CFAP44: variants seen among roughly 807,000 people sequenced by gnomAD.
CFAP44 encodes the protein cilia and flagella associated protein 44.
A neutral mutation model predicts 216.2 loss-of-function variants in CFAP44; 134 were observed. That is an observed-to-expected ratio of 0.62 (90% CI 0.54 to 0.72). The LOEUF (loss-of-function observed/expected upper bound fraction) is 0.72. Among genes scored for constraint, CFAP44 ranks in the 30% least tolerant of loss-of-function variants. The probability of loss-of-function intolerance (pLI) is 0.00; values close to 1 mark genes in which losing one functional copy is unlikely to be tolerated. For synonymous variants in CFAP44, 700 were observed against 727.6 expected (o/e 0.96, Z 0.61); for missense variants, 2,035 against 2,182.1 (o/e 0.93, Z 1.34).
intron 18 of CFAP44, among the ~76,000 whole-genome samples, chr3:113,370,085 T>C (rs578055943): frequency 2.0e-5 from 3 of 152,250 alleles, no homozygotes; most frequent in South Asian, 4.1e-4. Flanking sequence ...GAGGCAATAA[T>C]TAATACCCTA....
intron 24 of CFAP44, among the ~76,000 whole-genome samples, chr3:113,334,357 G>A (rs1950264927): frequency 6.6e-6 from 1 of 152,118 alleles, no homozygotes; most frequent in African/African-American, 2.4e-5. Flanking sequence ...TCTGTCCCCA[G>A]ATTCCCTGAA....
chr3:113,358,385 A>C (rs1189311763), intron 22 of CFAP44, among the ~76,000 whole-genome samples: 1 of 151,920 alleles, frequency 6.6e-6, no homozygotes, highest in Admixed American at 6.6e-5. Context: ...AACCAGAGCC[A>C]CCTCTGGTTG....
intron 28 of CFAP44, among the ~76,000 whole-genome samples, chr3:113,321,814 G>A (rs901337950): frequency 6.6e-6 from 1 of 152,152 alleles, no homozygotes; most frequent in Non-Finnish European, 1.5e-5. Context: ...AATCAAAGAG[G>A]TGAAAGATCT....
chr3:113,291,469 A>C lies in CFAP44; in HGVS notation c.*88T>G. On this transcript the variant is annotated 3_prime_UTR_variant, in exon 35 of 35. Coordinates refer to ENST00000393845, the MANE Select transcript of CFAP44 (RefSeq NM_001164496.2). ...ACACTTTCAGGCGAGTTCAGTTTAA[A>C]GTAATAAGATTGTTGGAGGTGATGA... 1.2e-5 allele frequency: 17 copies of C among 1,410,064 alleles called. No individual in the cohort carries two copies. The highest frequency in any genetic ancestry group is 1.5e-5 in the Non-Finnish European group (16 of 1,055,456). 87.3% of individuals were successfully genotyped at this position (1,410,064 alleles called of 1,614,324 possible).
chr3:113,294,561 T>C (rs770930757), intron 34 of CFAP44, 126 bp downstream of exon 34: 10 of 1,240,844 alleles, frequency 8.1e-6, no homozygotes, highest in Non-Finnish European at 1.1e-5. Context: ...GGGACGCAGA[T>C]GGTCTGGAAG....
intron 26 of CFAP44, among the ~76,000 whole-genome samples, chr3:113,328,713 AAAAAAAAAAAAAAAAC>A (rs2067308928): frequency 6.7e-5 from 10 of 149,476 alleles, no homozygotes; most frequent in African/African-American, 1.2e-4. Context: ...AAAAAAAAAA[AAAAAAAAAAAAAAAAC>A]AGAGAGAGAA....
intron 16 of CFAP44, among the ~76,000 whole-genome samples, chr3:113,380,218 T>G (rs1420017038): frequency 7.2e-5 from 11 of 152,104 alleles, no homozygotes; most frequent in Admixed American, 7.2e-4. Flanking sequence ...AAACTCACAA[T>G]GGATCCCAGT....
At chr3:113,387,898 T>C (rs1325048574) in intron 15 of CFAP44, among the ~76,000 whole-genome samples, 2 of 152,060 alleles carry the variant, frequency 1.3e-5, no homozygotes, top group East Asian at 1.9e-4. Context: ...GAATCAGCAA[T>C]AGCCAGGGAG....
At chr3:113,313,913 T>TA (rs1484699101) in intron 28 of CFAP44, among the ~76,000 whole-genome samples, 2 of 151,816 alleles carry the variant, frequency 1.3e-5, no homozygotes, top group Admixed American at 6.6e-5. Context: ...TACACCAAGA[T>TA]AAAAACTCAA....
At chr3:113,309,772 G>A (rs1267678232) in intron 28 of CFAP44, among the ~76,000 whole-genome samples, 1 of 152,202 alleles carries the variant, frequency 6.6e-6, no homozygotes. Context: ...CTTAGAACCT[G>A]AGGAACAACA....
In CFAP44 at chr3:113,363,254, C is replaced by G. The variant is rs764605360; in HGVS notation, c.2825G>C (p.Gly942Ala). The stretch of plus-strand genomic sequence containing the variant: ...CTCTCTCTTCCGTGCCTTTATTTCT[C>G]CCACTTCTTTCATTAACTTGTCATG... Reference protein sequence around the residue: ...REHDKLMKEVGEIKARKREQI... With the variant: ...REHDKLMKEVAEIKARKREQI... The change falls in exon 21 of 35, where the codon GGA becomes GCA. Residue 942 changes from glycine to alanine, a missense_variant. Around this residue, in one of 3 missense-constraint regions of CFAP44, gnomAD observed 1,883 missense variants for 2,023.7 expected, o/e 0.93. Coordinates refer to ENST00000393845, the MANE Select transcript of CFAP44 (RefSeq NM_001164496.2). The G allele has an allele frequency of 6.2e-7, 1 of 1,612,816 alleles. No homozygotes were observed. Among genetic ancestry groups the G allele is most frequent in the Admixed American group, 1.7e-5 (1 of 59,838 alleles).
rs1469617336 is a variant in CFAP44, at chr3:113,339,828, TA to T, written c.3437+1915del. 7.2e-5 allele frequency among the ~76,000 whole-genome samples: 11 copies of T among 152,254 alleles called. No individual in the cohort carries two copies. The East Asian group carries it at 7.7e-4, about 11-fold the overall frequency. On this transcript the variant is annotated intron_variant, in intron 24 of 34. Transcript: ENST00000393845. Reference sequence around the variant, plus strand: ...TTAACTTTCATATCAGAAACAGAGCTAGGGGGAGCCCTCTCACTTAGAAAAG... The same window carrying T: ...TTAACTTTCATATCAGAAACAGAGCTGGGGGAGCCCTCTCACTTAGAAAAG...
chr3:113,343,800 G>C lies in CFAP44; in HGVS notation c.3262+716C>G, dbSNP rs74382652. Among the ~76,000 whole-genome samples the C allele has an allele frequency of 2.4e-3, 358 of 152,216 alleles. 10 individuals are homozygous for C. In the East Asian group the frequency reaches 0.043, roughly 18 times the overall value. On this transcript the variant is annotated intron_variant, in intron 23 of 34. Coordinates refer to ENST00000393845, the MANE Select transcript of CFAP44 (RefSeq NM_001164496.2). ...GACAGCGGTTTCAGAATTTATCCTA[G>C]AAGCAAAAAGGAGACATTAAAGAGT...
At chr3:113,348,207 A>G (rs531577063) in intron 22 of CFAP44, among the ~76,000 whole-genome samples, 3 of 152,184 alleles carry the variant, frequency 2.0e-5, no homozygotes, top group Admixed American at 2.0e-4. Context: ...GTCGGGGGGA[A>G]GTAAACAAAT....
At chr3:113,423,955 T>C (rs907679775) in intron 4 of CFAP44, among the ~76,000 whole-genome samples, 1 of 152,154 alleles carries the variant, frequency 6.6e-6, no homozygotes, top group African/African-American at 2.4e-5. Context: ...TTAACACAGT[T>C]TGAACAGTTG....
At chr3:113,316,206 C>T (rs1476146444) in intron 28 of CFAP44, among the ~76,000 whole-genome samples, 1 of 152,168 alleles carries the variant, frequency 6.6e-6, no homozygotes, top group Admixed American at 6.5e-5. Context: ...TCATGGGATA[C>T]AGAGCAGGTC....
Position 113,379,441 on chromosome 3 carries a change from T to C in CFAP44, c.2163A>G (p.Glu721=). ...CTTTCTCCTCTTCCTCCTCCTGAAA[T>C]TCTTTTTCTCCATCTTCTCCCATCT... ...AAEMGEDGEK[E]FQEEEEEKEE... Residue 721 remains glutamate, a synonymous_variant, in exon 17 of 35, where the codon GAA becomes GAG. Coordinates refer to ENST00000393845, the MANE Select transcript of CFAP44 (RefSeq NM_001164496.2). 3.1e-6 allele frequency: 5 copies of C among 1,613,088 alleles called. No individual in the cohort carries two copies. Among genetic ancestry groups the C allele is most frequent in the Non-Finnish European group, 4.2e-6 (5 of 1,179,158 alleles).
At chr3:113,326,934 G>T (rs1950194314) in intron 27 of CFAP44, among the ~76,000 whole-genome samples, 1 of 152,072 alleles carries the variant, frequency 6.6e-6, no homozygotes, top group South Asian at 2.1e-4. Flanking sequence ...AATTGAATAT[G>T]TGGATGTCAG....
At chr3:113,389,846 G>T (rs1017630995) in intron 15 of CFAP44, among the ~76,000 whole-genome samples, 6 of 151,986 alleles carry the variant, frequency 3.9e-5, no homozygotes. Flanking sequence ...TGAGTAATGA[G>T]ATCAAAGCCA....
Sources: allele counts gnomAD v4.1 joint callset (sites outside exome capture counted in the v4.1 genomes callset), GRCh38; gene constraint gnomAD v4.1.1; regional missense constraint gnomAD v4.1.1; transcripts MANE v1.5; gene names NCBI Gene and HGNC (gene_info 2026-07-23, HGNC 2026-07-21).